The following RXRA variants were observed in gnomAD, a reference collection of about 807,000 sequenced individuals.
The protein encoded by RXRA is retinoid X receptor alpha.
In RXRA, 5 loss-of-function variants were observed where a neutral mutation model predicts 44.5. That is an observed-to-expected ratio of 0.11 (90% CI 0.06 to 0.24). The LOEUF is 0.24. RXRA is among the 10% of genes least tolerant of loss of function. The pLI is 1.00. For synonymous variants in RXRA, 291 were observed against 271.4 expected (o/e 1.07, Z -0.71); for missense variants, 412 against 646.5 (o/e 0.64, Z 3.93).
intron 1 of RXRA, among the ~76,000 whole-genome samples, chr9:134,377,170 C>A (rs1830568558): frequency 6.6e-6 from 1 of 152,236 alleles, no homozygotes; most frequent in South Asian, 2.1e-4. Context: ...CTGACAGTAC[C>A]CATTCTCACC....
At chr9:134,403,161 C>T (rs139497527) in intron 2 of RXRA, 7 of 152,548 alleles carry the variant, frequency 4.6e-5, no homozygotes, top group African/African-American at 1.7e-4. Context: ...GGTCTGGAGC[C>T]GGCCTGCTGC....
At chr9:134,339,495 T>G (rs1176362257) in intron 1 of RXRA, among the ~76,000 whole-genome samples, 1 of 146,414 alleles carries the variant, frequency 6.8e-6, no homozygotes, top group Non-Finnish European at 1.5e-5. Context: ...GCCCACGCCC[T>G]TGTGTGAGTG....
intron 1 of RXRA, among the ~76,000 whole-genome samples, chr9:134,389,183 G>A (rs761959350): frequency 3.3e-5 from 5 of 152,232 alleles, no homozygotes; most frequent in Non-Finnish European, 4.4e-5. Flanking sequence ...CAGACTGCAC[G>A]TTGTTGCCAT....
intron 1 of RXRA, among the ~76,000 whole-genome samples, chr9:134,374,544 G>A (rs1305007908): frequency 6.6e-6 from 1 of 152,124 alleles, no homozygotes; most frequent in African/African-American, 2.4e-5. Flanking sequence ...GGCCCCCGGG[G>A]CACCCCCCGC....
chr9:134,384,142 T>C (rs564796258), intron 1 of RXRA, among the ~76,000 whole-genome samples: 1 of 152,090 alleles, frequency 6.6e-6, no homozygotes, highest in South Asian at 2.1e-4. Flanking sequence ...CCCTCCACAC[T>C]GTCACCCCCG....
At chr9:134,331,542 G>A (rs911959657) in intron 1 of RXRA, among the ~76,000 whole-genome samples, 5 of 152,232 alleles carry the variant, frequency 3.3e-5, no homozygotes, top group African/African-American at 9.7e-5. Flanking sequence ...AAGGATCATG[G>A]TGCTCCCTGC....
At chr9:134,409,649 C>T (rs1831115651) in intron 4 of RXRA, among the ~76,000 whole-genome samples, 2 of 152,340 alleles carry the variant, frequency 1.3e-5, no homozygotes, top group South Asian at 2.1e-4. Flanking sequence ...GGGTCGGAGT[C>T]CCGGGCCCCA....
At chr9:134,363,631 C>T (rs1365897461) in intron 1 of RXRA, among the ~76,000 whole-genome samples, 3 of 152,240 alleles carry the variant, frequency 2.0e-5, no homozygotes, top group Non-Finnish European at 2.9e-5. Context: ...TTGGGCAGGA[C>T]GGGCACTGTG....
In RXRA at chr9:134,349,439, A is replaced by G. The variant is rs1207255306; in HGVS notation, c.28+22780A>G. On this transcript the variant is annotated intron_variant, in intron 1 of 9. Transcript: ENST00000481739. This position sits in a 1 kb window ranked among gnomAD's most constrained non-coding sequence, Gnocchi z 4.3. ...GAGGGACAGGCTGGTGGGTCGGGGA[A>G]GAGAAGAGGCTGGCTCAGGTGGGCT... Among the ~76,000 whole-genome samples, 1 of 152,148 alleles carries G rather than the reference A, an allele frequency of 6.6e-6. No homozygotes were observed. The highest frequency in any genetic ancestry group is 1.5e-5 in the Non-Finnish European group (1 of 68,020).
At chr9:134,357,109 C>G (rs929205664) in intron 1 of RXRA, among the ~76,000 whole-genome samples, 1 of 151,346 alleles carries the variant, frequency 6.6e-6, no homozygotes, top group Admixed American at 6.6e-5. Context: ...CCCTGAATCT[C>G]CTTATCTGTG....
Position 134,365,175 on chromosome 9 carries a change from G to C in RXRA, c.29-36457G>C, listed in dbSNP as rs1830398288. On this transcript the variant is annotated intron_variant, in intron 1 of 9. Transcript: ENST00000481739. The surrounding 1 kb of genome is among the most constrained non-coding windows in gnomAD (Gnocchi z 4.0). ...GTTGCTGGAGGGCTGATGGCACGCTGGGCCCGGGAAAGCCCCTCGTGGGCC... is the reference window on the plus strand; with the variant it reads ...GTTGCTGGAGGGCTGATGGCACGCTCGGCCCGGGAAAGCCCCTCGTGGGCC... Among the ~76,000 whole-genome samples the C allele has an allele frequency of 6.6e-6, 1 of 152,248 alleles. No individual in the cohort carries two copies. Among genetic ancestry groups the C allele is most frequent in the African/African-American group, 2.4e-5 (1 of 41,468 alleles).
Position 134,438,420 on chromosome 9 carries a change from G to C in RXRA, c.*1806G>C, listed in dbSNP as rs1021809110. 7.9e-5 allele frequency: 12 copies of C among 152,226 alleles called. No homozygotes were observed. The highest frequency in any genetic ancestry group is 2.7e-4 in the African/African-American group (11 of 41,444). 9.4% of individuals were successfully genotyped at this position (152,226 alleles called of 1,614,324 possible). On this transcript the variant is annotated 3_prime_UTR_variant, in exon 10 of 10. Transcript: ENST00000481739. ...GAGTGGAGCCTGCAGCTGAGTCTGT[G>C]CCCGAGACAGGCTGTCAGAGATTCC...
At chr9:134,336,167 G>A (rs904295026) in intron 1 of RXRA, among the ~76,000 whole-genome samples, 2 of 152,164 alleles carry the variant, frequency 1.3e-5, no homozygotes, top group East Asian at 3.9e-4. Flanking sequence ...GGGCCTGGCA[G>A]GCAGCACCAC....
chr9:134,351,670 A>G (rs1473716048), intron 1 of RXRA, among the ~76,000 whole-genome samples: 2 of 152,250 alleles, frequency 1.3e-5, no homozygotes, highest in Non-Finnish European at 2.9e-5. Flanking sequence ...AGCTGCGTCA[A>G]TTAGAAAATG....
In RXRA at chr9:134,408,877, G is replaced by A. The variant is rs954109982; in HGVS notation, c.431-63G>A. On this transcript the variant is annotated intron_variant, in intron 3 of 9. Transcript: ENST00000481739. The stretch of plus-strand genomic sequence containing the variant: ...CCAGCTGGTAGTGGCGGCGTTGGAT[G>A]GGGGGTGGGCTCCCTGCCGGGGCGG... 7.1e-6 allele frequency: 10 copies of A among 1,407,196 alleles called. No homozygotes were observed. In the East Asian group the frequency reaches 1.1e-4, roughly 15 times the overall value. 87.2% of individuals were successfully genotyped at this position (1,407,196 alleles called of 1,614,324 possible).
chr9:134,339,815 C>G (rs1268921093), intron 1 of RXRA, among the ~76,000 whole-genome samples: 2 of 136,660 alleles, frequency 1.5e-5, no homozygotes, highest in African/African-American at 2.8e-5. Flanking sequence ...GTGTAAGCCT[C>G]TGTGTGTGTG....
chr9:134,328,299 G>A lies in RXRA; in HGVS notation c.28+1640G>A, dbSNP rs538720836. 2.8e-4 allele frequency among the ~76,000 whole-genome samples: 43 copies of A among 152,316 alleles called. No homozygotes were observed. In the South Asian group the frequency reaches 8.9e-3, roughly 32 times the overall value. ...CAGCTGAGTACTGAGAACCGAACAG[G>A]TCCCTGTTTCTAATGCTCCGGGTGG... On this transcript the variant is annotated intron_variant, in intron 1 of 9. Transcript: ENST00000481739.
intron 4 of RXRA, among the ~76,000 whole-genome samples, chr9:134,415,769 G>T (rs983267652): frequency 6.6e-6 from 1 of 152,204 alleles, no homozygotes; most frequent in Admixed American, 6.5e-5. Flanking sequence ...GTCTGAGCTC[G>T]GAGGAGATAC....
At chr9:134,408,410 AG>A in intron 3 of RXRA, 111 bp downstream of exon 3, 1 of 1,213,992 alleles carries the variant, frequency 8.2e-7, no homozygotes, top group East Asian at 2.7e-5. Flanking sequence ...ACCCAAGGCC[AG>A]GGTGCAGGGA....
Sources: allele counts gnomAD v4.1 joint callset (sites outside exome capture counted in the v4.1 genomes callset), GRCh38; gene constraint gnomAD v4.1.1; non-coding constraint Gnocchi (gnomAD v3.1); transcripts MANE v1.5; gene names NCBI Gene and HGNC (gene_info 2026-07-23, HGNC 2026-07-21).